Variants in SLC22A15 observed in about 807,000 individuals in gnomAD.
SLC22A15 encodes the protein flipt 1.
A neutral mutation model predicts 62.7 loss-of-function variants in SLC22A15; 45 were observed. The observed-to-expected ratio is 0.72, with a 90% CI of 0.56 to 0.92. SLC22A15 has a LOEUF of 0.92. Among genes scored for constraint, SLC22A15 ranks in the 40% least tolerant of loss-of-function variants. SLC22A15 has a pLI of 0.00. For synonymous variants in SLC22A15, 264 were observed against 267.0 expected, an observed-to-expected ratio of 0.99 and a Z score of 0.11; for missense variants, 622 against 665.6, an observed-to-expected ratio of 0.93 and a Z score of 0.72.
chr1:116,002,910 G>T (rs1655807721), intron 2 of SLC22A15, among the ~76,000 whole-genome samples: 1 of 151,836 alleles, frequency 6.6e-6, no homozygotes, highest in Admixed American at 6.6e-5. Flanking sequence ...TCTAGCGAAG[G>T]AGTCTCTCCC....
At chr1:115,999,067 T>C (rs1482521526) in intron 2 of SLC22A15, among the ~76,000 whole-genome samples, 1 of 152,216 alleles carries the variant, frequency 6.6e-6, no homozygotes, top group East Asian at 1.9e-4. Flanking sequence ...TTTCATTTCC[T>C]TGTGTTTGTA....
At chr1:116,043,375 G>A (rs1376560768) in intron 8 of SLC22A15, among the ~76,000 whole-genome samples, 11 of 152,154 alleles carry the variant, frequency 7.2e-5, no homozygotes, top group South Asian at 6.2e-4. Context: ...GCAGTGAGCC[G>A]AGATTGCACC....
At chr1:116,035,148 T>G in intron 6 of SLC22A15, 39 bp from the exon 7 acceptor site, 1 of 1,595,058 alleles carries the variant, frequency 6.3e-7, no homozygotes, top group Non-Finnish European at 8.5e-7. Context: ...GTTGTCCTTC[T>G]TGTCTTTTAC....
chr1:116,009,209 C>T (rs1354860368), intron 2 of SLC22A15, among the ~76,000 whole-genome samples: 2 of 152,114 alleles, frequency 1.3e-5, no homozygotes, highest in South Asian at 2.1e-4. Flanking sequence ...CAAAGGCCTC[C>T]TCTGTTTCAC....
At chr1:116,008,556 C>G (rs972145483) in intron 2 of SLC22A15, among the ~76,000 whole-genome samples, 2 of 152,176 alleles carry the variant, frequency 1.3e-5, no homozygotes. Flanking sequence ...ATTCCAGTGC[C>G]TCTCTGGGCC....
intron 8 of SLC22A15, among the ~76,000 whole-genome samples, chr1:116,041,980 G>T (rs1657799973): frequency 6.6e-6 from 1 of 151,834 alleles, no homozygotes; most frequent in African/African-American, 2.4e-5. Flanking sequence ...CCATAAAAGT[G>T]CTTAAAAACA....
rs748709833 is a variant in SLC22A15, at chr1:115,976,598, G to A, written c.-30G>A. On this transcript the variant is annotated 5_prime_UTR_variant, in exon 1 of 12. Coordinates refer to ENST00000369503, the MANE Select transcript of SLC22A15 (RefSeq NM_018420.3). ...GAGGGCAGCGCCTGAGAGGGCGGTG[G>A]GGTGGCGGGGTTCCTGCGCGCGGCC... 1.3e-6 allele frequency: 2 copies of A among 1,527,880 alleles called. No homozygotes were observed. The highest frequency in any genetic ancestry group is 2.8e-5 in the African/African-American group (2 of 70,272). 94.6% of individuals were successfully genotyped at this position (1,527,880 alleles called of 1,614,324 possible).
Position 116,066,555 on chromosome 1 carries a change from C to T in SLC22A15, c.1401C>T (p.Phe467=), listed in dbSNP as rs376590878. ...AATGGTCTTTACCATTCATTGTCTT[C>T]GGAGCCACGGGTCTGACCTCCGGCC... ...YVQWSLPFIV[F]GATGLTSGLL... is the part of the protein sequence containing the mutation. Residue 467 remains phenylalanine (F), a synonymous_variant, in exon 11 of 12, where the codon TTC becomes TTT. Coordinates refer to ENST00000369503, the MANE Select transcript of SLC22A15 (RefSeq NM_018420.3). The T allele has an allele frequency of 5.8e-5, 93 of 1,606,504 alleles. No homozygotes were observed. The African/African-American group carries it at 9.7e-4, about 17-fold the overall frequency.
At chr1:116,027,055 A>C (rs759598402) in intron 5 of SLC22A15, 33 bp downstream of exon 5, 148 of 1,603,758 alleles carry the variant, frequency 9.2e-5, no homozygotes, top group Non-Finnish European at 1.2e-4. Context: ...GTTTTAATTT[A>C]AAAAGCCAAA....
intron 4 of SLC22A15, among the ~76,000 whole-genome samples, chr1:116,022,633 G>A (rs1656897571): frequency 6.6e-6 from 1 of 152,128 alleles, no homozygotes; most frequent in South Asian, 2.1e-4. Flanking sequence ...GACCAACCCT[G>A]GTCTCTTGCT....
At chr1:115,987,708 A>G (rs373089445) in intron 1 of SLC22A15, among the ~76,000 whole-genome samples, 1 of 152,216 alleles carries the variant, frequency 6.6e-6, no homozygotes, top group Admixed American at 6.5e-5. Context: ...TAAAAAAACT[A>G]AAGGTAATGG....
chr1:116,065,458 C>T (rs891820578), intron 10 of SLC22A15, among the ~76,000 whole-genome samples: 1 of 152,108 alleles, frequency 6.6e-6, no homozygotes, highest in African/African-American at 2.4e-5. Flanking sequence ...CATTATAATA[C>T]CCAGCACTGT....
chr1:116,037,290 T>G lies in SLC22A15; in HGVS notation c.1086-13T>G. On this transcript the variant is annotated splice_polypyrimidine_tract_variant and intron_variant, in intron 7 of 11. Coordinates refer to ENST00000369503, the MANE Select transcript of SLC22A15 (RefSeq NM_018420.3). ...TTCTTAAGAGAACTGTGTAATTTCTTTCTATTGTTTAGGTTTGGTCGGAAG... is the reference window on the plus strand; with the variant it reads ...TTCTTAAGAGAACTGTGTAATTTCTGTCTATTGTTTAGGTTTGGTCGGAAG... 1 of 1,607,508 alleles carries G rather than the reference T, an allele frequency of 6.2e-7. No individual in the cohort carries two copies. The highest frequency in any genetic ancestry group is 8.5e-7 in the Non-Finnish European group (1 of 1,174,238).
In SLC22A15 at chr1:115,979,553, G is replaced by T. The variant is rs556977619; in HGVS notation, c.87+2839G>T. Among the ~76,000 whole-genome samples the T allele has an allele frequency of 2.0e-5, 3 of 152,286 alleles. No individual in the cohort carries two copies. In the East Asian group the frequency reaches 5.8e-4, roughly 29 times the overall value. On this transcript the variant is annotated intron_variant, in intron 1 of 11. Coordinates refer to ENST00000369503, the MANE Select transcript of SLC22A15 (RefSeq NM_018420.3). ...ACATTCTTACCATCAAAATGTACTT[G>T]CTCTCCCTAGGATCAGAGCTATCTG...
chr1:115,987,582 T>G (rs2101073255), intron 1 of SLC22A15, among the ~76,000 whole-genome samples: 1 of 152,256 alleles, frequency 6.6e-6, no homozygotes, highest in African/African-American at 2.4e-5. Flanking sequence ...CAACAAATAT[T>G]TATTGAATAC....
At chr1:116,014,733 T>G (rs1656441554) in intron 2 of SLC22A15, among the ~76,000 whole-genome samples, 1 of 152,230 alleles carries the variant, frequency 6.6e-6, no homozygotes. Context: ...TATAAATTAG[T>G]GATTTTTAAA....
chr1:116,063,410 A>T (rs917588917), intron 9 of SLC22A15, among the ~76,000 whole-genome samples: 2 of 152,336 alleles, frequency 1.3e-5, no homozygotes, highest in Admixed American at 6.5e-5. Flanking sequence ...ATTTCCCTTC[A>T]TAAAATAAGT....
chr1:116,021,693 T>C (rs1168866909), intron 4 of SLC22A15, among the ~76,000 whole-genome samples: 2 of 152,222 alleles, frequency 1.3e-5, no homozygotes, highest in Non-Finnish European at 2.9e-5. Context: ...CCATCTCTTA[T>C]GTACCAGCTA....
At chr1:116,039,910 A>G (rs1422199558) in intron 8 of SLC22A15, among the ~76,000 whole-genome samples, 2 of 152,250 alleles carry the variant, frequency 1.3e-5, no homozygotes, top group Non-Finnish European at 2.9e-5. Flanking sequence ...ATAAGTACAT[A>G]TAAAGAAAAT....
Sources: gnomAD v4.1 joint callset for allele counts (sites outside exome capture counted in the v4.1 genomes callset) on GRCh38, gnomAD v4.1.1 for gene constraint, MANE v1.5 for transcripts, NCBI Gene and HGNC (gene_info 2026-07-23, HGNC 2026-07-21) for gene names.